Variants in FMN1 observed in about 807,000 individuals in gnomAD.
FMN1 encodes formin-1.
FMN1 carries 110 observed loss-of-function variants against 132.4 expected under a neutral mutation model. That is an observed-to-expected ratio of 0.83 (90% CI 0.71 to 0.97). The LOEUF is 0.97. Ranked by LOEUF, FMN1 falls within the 50% of genes least tolerant of loss-of-function variation. FMN1 has a pLI of 0.00. For synonymous variants in FMN1, 722 were observed against 651.7 expected, an observed-to-expected ratio of 1.11 and a Z score of -1.64; for missense variants, 1,792 against 1,705.3, an observed-to-expected ratio of 1.05 and a Z score of -0.90.
At chr15:33,157,110 C>T (rs8027575) in intron 3 of FMN1, among the ~76,000 whole-genome samples, 28,824 of 151,864 alleles carry the variant, frequency 0.19, 3,338 homozygotes, top group Middle Eastern at 0.29. Context: ...ACTAAAAATA[C>T]AAAAATTAGC....
At chr15:32,789,462 G>T (rs1221613531) in intron 19 of FMN1, among the ~76,000 whole-genome samples, 1 of 152,162 alleles carries the variant, frequency 6.6e-6, no homozygotes, top group African/African-American at 2.4e-5. Flanking sequence ...TTAAAGTAGA[G>T]TCACACACTG....
At chr15:33,001,927 C>A (rs2034142456) in intron 7 of FMN1, among the ~76,000 whole-genome samples, 1 of 152,120 alleles carries the variant, frequency 6.6e-6, no homozygotes, top group African/African-American at 2.4e-5. Context: ...GCCCATGGAA[C>A]TACAGGGTAA....
At chr15:33,039,094 T>C (rs1566854804) in intron 6 of FMN1, among the ~76,000 whole-genome samples, 1 of 152,152 alleles carries the variant, frequency 6.6e-6, no homozygotes, top group African/African-American at 2.4e-5. Context: ...CACACGATGT[T>C]AAACAATATA....
rs141551575 is a variant in FMN1, at chr15:32,879,433, T to G, written c.3835+8739A>C. On this transcript the variant is annotated intron_variant, in intron 16 of 20. Coordinates refer to ENST00000616417, the MANE Select transcript of FMN1 (RefSeq NM_001277313.2). Reference sequence around the variant, plus strand: ...ATGGTCAATAATCATTCAAGTCATGTCTTCTGGAGCTTCCCAAAAGGTGAT... The same window carrying G: ...ATGGTCAATAATCATTCAAGTCATGGCTTCTGGAGCTTCCCAAAAGGTGAT... Among the ~76,000 whole-genome samples, 3 of 152,334 alleles carry G rather than the reference T, an allele frequency of 2.0e-5. No homozygotes were observed. In the East Asian group the frequency reaches 5.8e-4, roughly 29 times the overall value.
At chr15:33,019,030 G>A (rs888103359) in intron 6 of FMN1, among the ~76,000 whole-genome samples, 2 of 152,186 alleles carry the variant, frequency 1.3e-5, no homozygotes, top group Non-Finnish European at 2.9e-5. Context: ...CCACCATGCG[G>A]AAGAGGACCT....
At chr15:32,828,493 A>C (rs929632670) in intron 17 of FMN1, among the ~76,000 whole-genome samples, 1 of 150,138 alleles carries the variant, frequency 6.7e-6, no homozygotes, top group Non-Finnish European at 1.5e-5. Context: ...GTAATTCTTT[A>C]TCATTTAGCA....
At chr15:33,114,757 G>A (rs1413571818) in intron 4 of FMN1, among the ~76,000 whole-genome samples, 1 of 152,086 alleles carries the variant, frequency 6.6e-6, no homozygotes, top group Non-Finnish European at 1.5e-5. Flanking sequence ...TGACCCAAAT[G>A]CCCCAAAACA....
At chr15:33,013,532 G>A (rs1209524743) in intron 6 of FMN1, among the ~76,000 whole-genome samples, 1 of 152,150 alleles carries the variant, frequency 6.6e-6, no homozygotes, top group Non-Finnish European at 1.5e-5. Context: ...GGTGTTAAAT[G>A]AAAAATTATT....
intron 6 of FMN1, among the ~76,000 whole-genome samples, chr15:33,020,808 T>G (rs1302184179): frequency 1.3e-5 from 2 of 152,214 alleles, no homozygotes; most frequent in Non-Finnish European, 2.9e-5. Context: ...TCTAAGAACT[T>G]TTGGCATTTA....
chr15:33,162,425 T>TAA (rs202101054), intron 3 of FMN1, among the ~76,000 whole-genome samples: 4 of 142,904 alleles, frequency 2.8e-5, no homozygotes, highest in Admixed American at 7.0e-5. Flanking sequence ...TCAGAGGAGT[T>TAA]AAAAAAAAAA....
chr15:32,831,861 A>C (rs1372097117), intron 17 of FMN1, among the ~76,000 whole-genome samples: 2 of 152,118 alleles, frequency 1.3e-5, no homozygotes, highest in Non-Finnish European at 2.9e-5. Flanking sequence ...AATATTTGCA[A>C]AGAAAGTTCA....
At chr15:33,155,683 G>GT (rs537309333) in intron 3 of FMN1, among the ~76,000 whole-genome samples, 323 of 152,176 alleles carry the variant, frequency 2.1e-3, no homozygotes, top group African/African-American at 7.5e-3. Flanking sequence ...ATTTTTTGTT[G>GT]TTGTATTGCC....
intron 2 of FMN1, 67 bp from the exon 3 acceptor site, chr15:33,180,329 T>C (rs1965653300): frequency 2.0e-5 from 3 of 152,052 alleles, no homozygotes. Context: ...TGTGTATGTG[T>C]TACTGTGTTT....
chr15:33,099,023 T>C lies in FMN1; in HGVS notation c.1868-10049A>G, dbSNP rs957154122. On this transcript the variant is annotated intron_variant, in intron 4 of 20. Coordinates refer to ENST00000616417, the MANE Select transcript of FMN1 (RefSeq NM_001277313.2). ...GGCTCATGCCTGTAATCCTAACACT[T>C]TGGGAAGCTGAGGCTGGTGGACTGC... 3.3e-5 allele frequency among the ~76,000 whole-genome samples: 5 copies of C among 152,056 alleles called. 1 individual carries two copies. The highest frequency in any genetic ancestry group is 7.4e-5 in the Non-Finnish European group (5 of 68,014).
rs898879229 is a variant in FMN1 at position 33,066,799 on chromosome 15, G to A, written c.2044-1725C>T. The A allele has an allele frequency of 5.0e-6, 8 of 1,613,844 alleles. No homozygotes were observed. The East Asian group carries it at 6.7e-5, about 13-fold the overall frequency. On this transcript the variant is annotated intron_variant, in intron 5 of 20. Transcript: ENST00000616417. ...TCTCTTCTCTCCTGGGCGACTCAGGGTCTGCTCCCTTCGGTTCAGTTTTGG... is the reference window on the plus strand; with the variant it reads ...TCTCTTCTCTCCTGGGCGACTCAGGATCTGCTCCCTTCGGTTCAGTTTTGG...
At chr15:33,001,924 G>A (rs956100482) in intron 7 of FMN1, among the ~76,000 whole-genome samples, 2 of 152,010 alleles carry the variant, frequency 1.3e-5, no homozygotes, top group Non-Finnish European at 2.9e-5. Context: ...ACTGCCCATG[G>A]AACTACAGGG....
rs1283756258 is a variant in FMN1, at chr15:32,958,107, G to C, written c.3138+6000C>G. Among the ~76,000 whole-genome samples, 5 of 152,130 alleles carry C rather than the reference G, an allele frequency of 3.3e-5. No individual in the cohort carries two copies. In the East Asian group the frequency reaches 7.7e-4, roughly 23 times the overall value. On this transcript the variant is annotated intron_variant, in intron 9 of 20. Coordinates refer to ENST00000616417, the MANE Select transcript of FMN1 (RefSeq NM_001277313.2). ...CCAAATCTATATATGCCTTTTGCTG[G>C]AGTTACATAGAAAGCACATCTTTTT... is the stretch of plus-strand genomic sequence containing the variant.
intron 17 of FMN1, among the ~76,000 whole-genome samples, chr15:32,820,338 C>T (rs1567220278): frequency 6.6e-6 from 1 of 152,140 alleles, no homozygotes; most frequent in African/African-American, 2.4e-5. Flanking sequence ...CTTTTAACTG[C>T]AAAGAGAGAG....
chr15:32,972,064 T>C (rs1390998953), intron 7 of FMN1, among the ~76,000 whole-genome samples: 2 of 152,172 alleles, frequency 1.3e-5, no homozygotes, highest in Non-Finnish European at 2.9e-5. Flanking sequence ...GATAATAAAA[T>C]GTACCTGACA....
Sources: allele counts gnomAD v4.1 joint callset (sites outside exome capture counted in the v4.1 genomes callset), GRCh38; gene constraint gnomAD v4.1.1; transcripts MANE v1.5; gene names NCBI Gene and HGNC (gene_info 2026-07-23, HGNC 2026-07-21).